Variants in HMCN1 observed in about 807,000 individuals in gnomAD.
The protein encoded by HMCN1 is hemicentin-1.
HMCN1 carries 321 observed loss-of-function variants against 625.9 expected under a neutral mutation model. That is an observed-to-expected ratio of 0.51 (90% CI 0.47 to 0.56). HMCN1 has a LOEUF of 0.56. Among genes scored for constraint, HMCN1 ranks in the 20% least tolerant of loss-of-function variants. The probability of loss-of-function intolerance (pLI) is 0.00; values close to 1 mark genes in which losing one functional copy is unlikely to be tolerated. For missense variants in HMCN1, 6,588 were observed against 6,887.3 expected, an observed-to-expected ratio of 0.96 and a Z score of 1.54; for synonymous variants, 2,425 against 2,417.6, an observed-to-expected ratio of 1.00 and a Z score of -0.09.
intron 38 of HMCN1, 125 bp from the exon 39 acceptor site, chr1:186,039,603 T>C (rs1166404295): frequency 2.0e-6 from 2 of 1,006,476 alleles, no homozygotes; most frequent in Admixed American, 3.6e-5. Context: ...GTGAAAGAAC[T>C]TACCAAAAAA....
At position 186,001,663 on chromosome 1, in the gene HMCN1, G is replaced by A; in HGVS notation, c.4270G>A (p.Glu1424Lys). 6.2e-7 allele frequency: 1 copy of A among 1,612,744 alleles called. No homozygotes were observed. Among genetic ancestry groups the A allele is most frequent in the Non-Finnish European group, 8.5e-7 (1 of 1,178,964 alleles). ...KILKLFRATP[E>K]DAGRYSCKAI... Reference sequence around the variant, plus strand: ...ACTGAAGCTCTTCAGAGCCACTCCAGAGGATGCAGGAAGATATTCCTGCAA... The same window carrying A: ...ACTGAAGCTCTTCAGAGCCACTCCAAAGGATGCAGGAAGATATTCCTGCAA... The change falls in exon 28 of 107, where the codon GAG becomes AAG. Residue 1424 changes from glutamate (E) to lysine (K), a missense_variant. Transcript: ENST00000271588.
At chr1:186,082,289 GC>G (rs1659211457) in intron 56 of HMCN1, among the ~76,000 whole-genome samples, 1 of 152,140 alleles carries the variant, frequency 6.6e-6, no homozygotes, top group Non-Finnish European at 1.5e-5. Flanking sequence ...TAGCTCACAA[GC>G]CTGCTGGTTT....
intron 30 of HMCN1, among the ~76,000 whole-genome samples, chr1:186,009,030 G>A (rs569264850): frequency 1.6e-3 from 238 of 152,208 alleles, no homozygotes; most frequent in African/African-American, 5.6e-3. Context: ...CTCTAAAAAA[G>A]AATAACATTG....
chr1:186,169,977 GA>G lies in HMCN1; in HGVS notation c.15575-1348del, dbSNP rs1178279731. On this transcript the variant is annotated intron_variant, in intron 100 of 106. Transcript: ENST00000271588. ...ATCTACAAGGAACTTAAATTTACAA[GA>G]AAAAAAAAAAACCATCAAAAAGTGG... is the stretch of plus-strand genomic sequence containing the variant. 8.2e-3 allele frequency among the ~76,000 whole-genome samples: 1,059 copies of G among 129,140 alleles called. 8 individuals carry two copies. Among genetic ancestry groups the G allele is most frequent in the African/African-American group, 0.02 (689 of 35,010 alleles). 84.7% of individuals were successfully genotyped at this position (129,140 alleles called of 152,430 possible).
intron 40 of HMCN1, 92 bp from the exon 41 acceptor site, chr1:186,045,596 A>G (rs930015915): frequency 2.7e-5 from 26 of 960,842 alleles, no homozygotes; most frequent in East Asian, 7.2e-5. Context: ...AAAAGAACCA[A>G]TAAAGGTATT....
In HMCN1 at chr1:186,137,918, C is replaced by T. The variant is rs1649718022; in HGVS notation, c.13870C>T (p.Pro4624Ser). The T allele has an allele frequency of 6.2e-7, 1 of 1,613,844 alleles. No homozygotes were observed. Among genetic ancestry groups the T allele is most frequent in the Admixed American group, 1.7e-5 (1 of 59,962 alleles). The change falls in exon 89 of 107, where the codon CCA becomes TCA. Residue 4624 changes from proline (P) to serine (S), a missense_variant. Pro to Ser is a moderately conservative substitution (Grantham distance 74). This residue lies in a region of HMCN1 where 1,954 missense variants were observed against 2,013.1 expected (regional missense o/e 0.97). Transcript: ENST00000271588. Reference protein sequence around the residue: ...NNPSVQHGGRPCEGNAVEIIM... With the variant: ...NNPSVQHGGRSCEGNAVEIIM... ...TCCATCAGTTCAGCATGGTGGGCGG[C>T]CATGTGAAGGGAATGCTGTGGAAAT...
At chr1:185,777,673 A>G (rs1229347270) in intron 1 of HMCN1, among the ~76,000 whole-genome samples, 1 of 152,056 alleles carries the variant, frequency 6.6e-6, no homozygotes, top group Non-Finnish European at 1.5e-5. Flanking sequence ...GATGGTCTCG[A>G]TCTCTCGACC....
chr1:185,741,109 C>A (rs567976599), intron 1 of HMCN1, among the ~76,000 whole-genome samples: 1 of 152,180 alleles, frequency 6.6e-6, no homozygotes, highest in African/African-American at 2.4e-5. Flanking sequence ...GCCCCACCTC[C>A]CTTCCATCAT....
chr1:186,048,900 A>G, intron 42 of HMCN1, 61 bp downstream of exon 42: 5 of 972,560 alleles, frequency 5.1e-6, no homozygotes, highest in Non-Finnish European at 8.3e-6. Flanking sequence ...GTCACTTAAA[A>G]TGACATTCAT....
At chr1:186,168,999 G>A (rs1030461524) in intron 100 of HMCN1, among the ~76,000 whole-genome samples, 1 of 152,008 alleles carries the variant, frequency 6.6e-6, no homozygotes, top group Admixed American at 6.6e-5. Flanking sequence ...CTCCCACTTA[G>A]GAGAGAGAAC....
chr1:186,163,190 T>C (rs1431826816), intron 97 of HMCN1, among the ~76,000 whole-genome samples: 1 of 152,222 alleles, frequency 6.6e-6, no homozygotes, highest in Non-Finnish European at 1.5e-5. Context: ...CCAGACTCCA[T>C]GGGCATAGGA....
At chr1:185,738,432 T>C (rs4596837) in intron 1 of HMCN1, among the ~76,000 whole-genome samples, 5,963 of 152,194 alleles carry the variant, frequency 0.039, 336 homozygotes, top group African/African-American at 0.13. Flanking sequence ...CATGACTGGC[T>C]TCTTTCACTT....
chr1:185,908,013 C>G (rs890287280), intron 4 of HMCN1, among the ~76,000 whole-genome samples: 1 of 151,458 alleles, frequency 6.6e-6, no homozygotes, highest in Non-Finnish European at 1.5e-5. Context: ...GTTTTTGATA[C>G]TGGAGCAAGG....
intron 2 of HMCN1, among the ~76,000 whole-genome samples, chr1:185,859,019 A>ATGTGTGTG (rs71101981): frequency 5.4e-4 from 76 of 140,008 alleles, no homozygotes; most frequent in Non-Finnish European, 8.4e-4. Context: ...TGGGTTAAAG[A>ATGTGTGTG]TGTGTGTGTG....
intron 73 of HMCN1, 123 bp downstream of exon 73, chr1:186,114,246 A>G: frequency 1.0e-6 from 1 of 1,005,024 alleles, no homozygotes; most frequent in Middle Eastern, 2.4e-4. Flanking sequence ...TAATACGAGA[A>G]TCAAAATTTA....
At chr1:185,962,697 G>T in intron 12 of HMCN1, 38 bp downstream of exon 12, 2 of 1,240,036 alleles carry the variant, frequency 1.6e-6, no homozygotes, top group South Asian at 1.2e-5. Context: ...TTTATTGAGT[G>T]AGAAAAATTG....
rs192622087 is a variant in HMCN1 at position 185,841,466 on chromosome 1, G to A, written c.269-4560G>A. Among the ~76,000 whole-genome samples the A allele has an allele frequency of 1.7e-3, 258 of 152,238 alleles. 2 individuals are homozygous for A. Among genetic ancestry groups the A allele is most frequent in the African/African-American group, 6.1e-3 (252 of 41,552 alleles). The stretch of plus-strand genomic sequence containing the variant: ...ATCAGTGTCGTCACTGATCTTTAGC[G>A]TGGTCTTTAGCTATAGCATTGAGGC... On this transcript the variant is annotated intron_variant, in intron 1 of 106. Coordinates refer to ENST00000271588, the MANE Select transcript of HMCN1 (RefSeq NM_031935.3).
intron 11 of HMCN1, 41 bp from the exon 12 acceptor site, chr1:185,962,477 T>C (rs1650093789): frequency 6.4e-7 from 1 of 1,573,192 alleles, no homozygotes; most frequent in African/African-American, 1.3e-5. Flanking sequence ...AACATCAAGA[T>C]AAATTGGCAT....
chr1:185,989,275 G>C (rs998784583), intron 20 of HMCN1, among the ~76,000 whole-genome samples: 1 of 152,062 alleles, frequency 6.6e-6, no homozygotes, highest in Non-Finnish European at 1.5e-5. Context: ...GATTACAGGT[G>C]TGAGCCACCG....
Sources: gnomAD v4.1 joint callset for allele counts (sites outside exome capture counted in the v4.1 genomes callset) on GRCh38, gnomAD v4.1.1 for gene constraint, gnomAD v4.1.1 regional missense constraint, MANE v1.5 for transcripts, NCBI Gene and HGNC (gene_info 2026-07-23, HGNC 2026-07-21) for gene names.